Variants in UBE2E3 observed in about 807,000 individuals in gnomAD.
UBE2E3 encodes the protein ubiquitin-conjugating enzyme E2 E3.
Under a neutral mutation model 23.6 loss-of-function variants are expected in UBE2E3, and 5 were observed. That is an observed-to-expected ratio of 0.21 (90% CI 0.11 to 0.44). UBE2E3 has a LOEUF of 0.44. UBE2E3 is among the 20% of genes least tolerant of loss of function. The probability of loss-of-function intolerance (pLI) is 0.99; values close to 1 mark genes in which losing one functional copy is unlikely to be tolerated. For synonymous variants in UBE2E3, 78 were observed against 87.5 expected (o/e 0.89, Z 0.60); for missense variants, 81 against 249.8 (o/e 0.32, Z 4.55).
intron 3 of UBE2E3, among the ~76,000 whole-genome samples, chr2:181,026,222 T>C (rs902782379): frequency 6.6e-6 from 1 of 151,918 alleles, no homozygotes; most frequent in Non-Finnish European, 1.5e-5. Context: ...GCTAATACTT[T>C]AGATATTCTC....
chr2:181,045,855 C>T (rs1241779346), intron 3 of UBE2E3, among the ~76,000 whole-genome samples: 3 of 151,966 alleles, frequency 2.0e-5, no homozygotes, highest in Non-Finnish European at 4.4e-5. Flanking sequence ...GGAATATACA[C>T]ATACCCTTGG....
At chr2:180,988,806 G>T (rs548491022) in intron 3 of UBE2E3, among the ~76,000 whole-genome samples, 1 of 151,952 alleles carries the variant, frequency 6.6e-6, no homozygotes, top group Non-Finnish European at 1.5e-5. Context: ...TAGATAGACT[G>T]CTTTTTCTTC....
At chr2:181,004,596 G>A (rs550979497) in intron 3 of UBE2E3, among the ~76,000 whole-genome samples, 2 of 151,962 alleles carry the variant, frequency 1.3e-5, no homozygotes, top group African/African-American at 4.8e-5. Flanking sequence ...TTGTGCCACC[G>A]CACCCCAGTC....
intron 3 of UBE2E3, among the ~76,000 whole-genome samples, chr2:181,017,309 A>G (rs1440299958): frequency 6.6e-6 from 1 of 152,190 alleles, no homozygotes; most frequent in Non-Finnish European, 1.5e-5. Flanking sequence ...AGGAGGGGCC[A>G]GTGGGACGAG....
At chr2:181,021,632 TTTCCTTCCTTCCTTCC>T (rs544002192) in intron 3 of UBE2E3, among the ~76,000 whole-genome samples, 49 of 40,006 alleles carry the variant, frequency 1.2e-3, no homozygotes, top group Admixed American at 1.8e-3. Flanking sequence ...CCCTCCCTTT[TTTCCTTCCTTCCTTCC>T]TTCCTTCCTT....
At chr2:181,034,181 A>G (rs1388593717) in intron 3 of UBE2E3, among the ~76,000 whole-genome samples, 1 of 152,242 alleles carries the variant, frequency 6.6e-6, no homozygotes, top group Admixed American at 6.5e-5. Flanking sequence ...TACTGGGTAT[A>G]TACCCAAAGG....
At chr2:180,995,084 C>T (rs1374548772) in intron 3 of UBE2E3, among the ~76,000 whole-genome samples, 1 of 152,150 alleles carries the variant, frequency 6.6e-6, no homozygotes, top group Non-Finnish European at 1.5e-5. Context: ...CTAATCATTT[C>T]TGTATAAACA....
At chr2:180,980,444 C>T (rs933068219), upstream of UBE2E3, 9 of 150,870 alleles carry the variant, frequency 6.0e-5, no homozygotes, top group Non-Finnish European at 1.2e-4. This position sits in a 1 kb window ranked among gnomAD's most constrained non-coding sequence, Gnocchi z 5.5. Context: ...CGCGGGCGGA[C>T]GCGTGCACCC....
intron 3 of UBE2E3, among the ~76,000 whole-genome samples, chr2:181,009,877 CTAT>C (rs1196765430): frequency 2.2e-4 from 34 of 152,172 alleles, no homozygotes; most frequent in Non-Finnish European, 4.1e-4. Context: ...AATGCTTTTT[CTAT>C]TATTAATGTA....
intron 3 of UBE2E3, among the ~76,000 whole-genome samples, chr2:181,002,183 A>ATTTTTT (rs1685011594): frequency 7.0e-6 from 1 of 143,244 alleles, no homozygotes; most frequent in South Asian, 2.2e-4. Flanking sequence ...GAATGTTTTA[A>ATTTTTT]TGGATTTCTT....
chr2:181,056,206 T>C (rs927012360), intron 3 of UBE2E3, among the ~76,000 whole-genome samples: 6 of 151,732 alleles, frequency 4.0e-5, no homozygotes, highest in African/African-American at 9.7e-5. Flanking sequence ...TAATGACTTA[T>C]AAAGCATTGG....
chr2:181,033,111 A>G (rs1686137871), intron 3 of UBE2E3, among the ~76,000 whole-genome samples: 1 of 152,222 alleles, frequency 6.6e-6, no homozygotes, highest in Admixed American at 6.5e-5. Flanking sequence ...TGCCCAAGGT[A>G]ATTTATAGAT....
At chr2:181,023,699 C>CT (rs536013620) in intron 3 of UBE2E3, among the ~76,000 whole-genome samples, 101 of 152,276 alleles carry the variant, frequency 6.6e-4, no homozygotes, top group African/African-American at 2.1e-3. Context: ...AGCATGGACT[C>CT]TATCTTGGTA....
At chr2:181,018,651 A>G (rs527369538) in intron 3 of UBE2E3, among the ~76,000 whole-genome samples, 2 of 149,806 alleles carry the variant, frequency 1.3e-5, no homozygotes, top group South Asian at 4.2e-4. Context: ...GCTTGAAGGA[A>G]GTCATTTTAA....
intron 3 of UBE2E3, among the ~76,000 whole-genome samples, chr2:180,993,769 G>C (rs748478641): frequency 6.6e-6 from 1 of 152,066 alleles, no homozygotes; most frequent in Non-Finnish European, 1.5e-5. Flanking sequence ...GAAGAGAATC[G>C]ATCTCAGAAG....
chr2:181,006,283 T>C (rs1418308267), intron 3 of UBE2E3, among the ~76,000 whole-genome samples: 2 of 152,118 alleles, frequency 1.3e-5, no homozygotes, highest in East Asian at 1.9e-4. Context: ...TTTAAGGCCA[T>C]AGAGTTTGCT....
chr2:180,981,931 C>T (rs757151470), intron 1 of UBE2E3, 87 bp from the exon 2 acceptor site: 3 of 991,370 alleles, frequency 3.0e-6, no homozygotes, highest in Admixed American at 2.8e-5. Context: ...CATTACAAGA[C>T]GATTTTAGAT....
At chr2:181,061,705 A>G (rs1454156598) in intron 5 of UBE2E3, among the ~76,000 whole-genome samples, 1 of 151,518 alleles carries the variant, frequency 6.6e-6, no homozygotes, top group African/African-American at 2.4e-5. Flanking sequence ...AACTTCAGAA[A>G]CTTGGGTAGC....
At chr2:180,983,960 A>T in intron 2 of UBE2E3, 83 bp from the exon 3 acceptor site, 1 of 1,085,488 alleles carries the variant, frequency 9.2e-7, no homozygotes, top group Non-Finnish European at 1.3e-6. Context: ...ATTTAACTGC[A>T]TGGTGGTAGA....
Sources: allele counts gnomAD v4.1 joint callset (sites outside exome capture counted in the v4.1 genomes callset), GRCh38; gene constraint gnomAD v4.1.1; non-coding constraint Gnocchi (gnomAD v3.1); transcripts MANE v1.5; gene names NCBI Gene and HGNC (gene_info 2026-07-23, HGNC 2026-07-21).